Variants in PTH2R observed in about 807,000 individuals in gnomAD.
The protein encoded by PTH2R is PTH2 receptor.
PTH2R carries 59 observed loss-of-function variants against 60.3 expected under a neutral mutation model. That is an observed-to-expected ratio of 0.98 (90% CI 0.79 to 1.22). PTH2R has a LOEUF of 1.22. Among genes scored for constraint, PTH2R ranks in the 50% most tolerant of loss-of-function variants. The pLI, the probability that PTH2R is intolerant of heterozygous loss-of-function variation, is 0.00. For synonymous variants in PTH2R, 256 were observed against 243.8 expected, an observed-to-expected ratio of 1.05 and a Z score of -0.47; for missense variants, 749 against 682.6, an observed-to-expected ratio of 1.10 and a Z score of -1.08.
intron 1 of PTH2R, among the ~76,000 whole-genome samples, chr2:208,388,582 C>T (rs1204596452): frequency 1.3e-5 from 2 of 152,176 alleles, no homozygotes; most frequent in Non-Finnish European, 2.9e-5. Context: ...ATTGTAACCC[C>T]TGAAGCCTTC....
chr2:208,429,351 GA>G (rs1176906114), intron 2 of PTH2R, among the ~76,000 whole-genome samples: 6 of 151,874 alleles, frequency 4.0e-5, no homozygotes, highest in Non-Finnish European at 8.8e-5. Flanking sequence ...ACTTTTCATT[GA>G]AAAATTCACT....
chr2:208,407,106 G>A lies in PTH2R; in HGVS notation c.63G>A (p.Leu21=). 7.2e-7 allele frequency: 1 copy of A among 1,397,400 alleles called. No individual in the cohort carries two copies. The highest frequency in any genetic ancestry group is 9.4e-7 in the Non-Finnish European group (1 of 1,068,918). 86.6% of individuals were successfully genotyped at this position (1,397,400 alleles called of 1,614,324 possible). A position where few individuals can be genotyped will look rare whatever the true frequency, so the allele number is the denominator to read the frequency against. The part of the protein sequence containing the change: ...WGWLMLGSCL[L]ARAQLDSDGT... ...GGCTAATGCTCGGCAGCTGCCTCCT[G>A]GCCAGAGCCCAGGTAAGAGCCAGTG... Residue 21 remains leucine (L), a synonymous_variant, in exon 1 of 13, where the codon CTG becomes CTA. Coordinates refer to ENST00000272847, the MANE Select transcript of PTH2R (RefSeq NM_005048.4).
At chr2:208,478,603 C>T (rs947995581) in intron 9 of PTH2R, among the ~76,000 whole-genome samples, 53 of 152,296 alleles carry the variant, frequency 3.5e-4, no homozygotes, top group African/African-American at 1.3e-3. Context: ...GTCAGATCTA[C>T]TGTTTTTTGT....
rs550641534 is a variant in PTH2R, at chr2:208,366,483, C to T, written c.-259+6246C>T. ...CTCACCTTGCAATACCCTTGTCTTG[C>T]TAGTAAAGAAAGAAGGGAAATTTGA... is the stretch of plus-strand genomic sequence containing the variant. On this transcript the variant is annotated intron_variant, in intron 1 of 12. Transcript: ENST00000617735. Among the ~76,000 whole-genome samples the T allele has an allele frequency of 2.0e-5, 3 of 152,234 alleles. No homozygotes were observed. The South Asian group carries it at 6.2e-4, about 32-fold the overall frequency.
intron 12 of PTH2R, among the ~76,000 whole-genome samples, chr2:208,492,618 C>G (rs570511638): frequency 2.0e-5 from 3 of 152,124 alleles, no homozygotes; most frequent in Admixed American, 2.0e-4. Flanking sequence ...AGGGATGGCT[C>G]TCAGGTCCTT....
intron 7 of PTH2R, among the ~76,000 whole-genome samples, chr2:208,448,118 C>G (rs1702326632): frequency 6.6e-6 from 1 of 152,100 alleles, no homozygotes; most frequent in African/African-American, 2.4e-5. Flanking sequence ...AATCAGGAAA[C>G]AGTCCCACAC....
chr2:208,493,218 G>A (rs757712378), intron 12 of PTH2R, 46 bp from the exon 13 acceptor site: 1 of 1,415,406 alleles, frequency 7.1e-7, no homozygotes, highest in African/African-American at 1.4e-5. Flanking sequence ...AGGCTGCAGG[G>A]TCTCCTTTAG....
rs184422038 is a variant in PTH2R at position 208,463,470 on chromosome 2, G to A, written c.981+3509G>A. 5.9e-5 allele frequency among the ~76,000 whole-genome samples: 9 copies of A among 152,220 alleles called. No individual in the cohort carries two copies. In the East Asian group the frequency reaches 1.6e-3, roughly 26 times the overall value. On this transcript the variant is annotated intron_variant, in intron 9 of 12. Transcript: ENST00000272847. ...TCCCAGGTCTGCCCTGTTGTTGAGC[G>A]TGCAGGCTGAAATTTTATGGTACAG...
chr2:208,489,649 G>A (rs1277152485), intron 11 of PTH2R, among the ~76,000 whole-genome samples: 1 of 152,136 alleles, frequency 6.6e-6, no homozygotes, highest in African/African-American at 2.4e-5. Context: ...ACATATGATA[G>A]TCTGGAGAAT....
intron 1 of PTH2R, among the ~76,000 whole-genome samples, chr2:208,378,476 C>T (rs1216710516): frequency 2.6e-5 from 4 of 152,060 alleles, no homozygotes; most frequent in African/African-American, 9.7e-5. Context: ...TCCCAAAATT[C>T]ATAGGTTGAA....
intron 1 of PTH2R, among the ~76,000 whole-genome samples, chr2:208,384,704 T>G (rs771246367): frequency 2.6e-5 from 4 of 152,228 alleles, no homozygotes; most frequent in Non-Finnish European, 4.4e-5. Context: ...GGTGATAACT[T>G]CAAAAGGAGA....
At chr2:208,447,665 A>T (rs1013482352) in intron 7 of PTH2R, among the ~76,000 whole-genome samples, 3 of 151,266 alleles carry the variant, frequency 2.0e-5, no homozygotes, top group Admixed American at 1.3e-4. Context: ...AGGAAATGAC[A>T]ATCTGAAGAA....
At chr2:208,421,348 G>T (rs1412398127) in intron 1 of PTH2R, among the ~76,000 whole-genome samples, 1 of 151,400 alleles carries the variant, frequency 6.6e-6, no homozygotes, top group African/African-American at 2.4e-5. Context: ...AAGAAGCCAA[G>T]ACATTTTCAT....
In PTH2R at chr2:208,428,182, A is replaced by G. The variant is rs1312587679; in HGVS notation, c.76-19A>G. 6.4e-7 allele frequency: 1 copy of G among 1,564,918 alleles called. No homozygotes were observed. The highest frequency in any genetic ancestry group is 1.7e-5 in the Admixed American group (1 of 59,122). On this transcript the variant is annotated intron_variant, in intron 1 of 12. Coordinates refer to ENST00000272847, the MANE Select transcript of PTH2R (RefSeq NM_005048.4). ...GAAAAAACATGATGAAAATGTTTGT[A>G]TTTTGTTCACTTCTACAGCTGGATT...
chr2:208,448,046 C>A (rs4675767), intron 7 of PTH2R, among the ~76,000 whole-genome samples: 4 of 152,194 alleles, frequency 2.6e-5, no homozygotes, highest in Non-Finnish European at 5.9e-5. Context: ...TCATATAAAA[C>A]CACCTATCCT....
chr2:208,376,786 C>T (rs1700799931), intron 1 of PTH2R, among the ~76,000 whole-genome samples: 1 of 152,066 alleles, frequency 6.6e-6, no homozygotes, highest in African/African-American at 2.4e-5. Flanking sequence ...CAGCACGTCA[C>T]TCCCTCTTTT....
intron 1 of PTH2R, among the ~76,000 whole-genome samples, chr2:208,376,763 G>C (rs1375560539): frequency 3.3e-5 from 5 of 151,896 alleles, no homozygotes; most frequent in African/African-American, 9.7e-5. Flanking sequence ...CTATATGTGG[G>C]CTCTATTCTC....
rs75487149 is a variant in PTH2R at position 208,382,489 on chromosome 2, T to G, written c.-259+22252T>G. On this transcript the variant is annotated intron_variant, in intron 1 of 12. Transcript: ENST00000617735. ...ATGTCTACAACCTAAGAGAATCTAA[T>G]AATAGCGTCCTGGTCTGTCAGTGTA... is the stretch of plus-strand genomic sequence containing the variant. Among the ~76,000 whole-genome samples, 65 of 152,318 alleles carry G rather than the reference T, an allele frequency of 4.3e-4. 1 individual carries two copies. In the East Asian group the frequency reaches 0.012, roughly 28 times the overall value.
intron 8 of PTH2R, among the ~76,000 whole-genome samples, chr2:208,451,848 A>T (rs1702413572): frequency 6.6e-6 from 1 of 152,216 alleles, no homozygotes; most frequent in African/African-American, 2.4e-5. Flanking sequence ...GATACATTTT[A>T]ATGTATCATG....
Sources: allele counts gnomAD v4.1 joint callset (sites outside exome capture counted in the v4.1 genomes callset), GRCh38; gene constraint gnomAD v4.1.1; transcripts MANE v1.5; gene names NCBI Gene and HGNC (gene_info 2026-07-23, HGNC 2026-07-21).